MAST4: variants seen among roughly 807,000 people sequenced by gnomAD.
MAST4 encodes microtubule-associated serine/threonine-protein kinase 4.
In MAST4, 89 loss-of-function variants were observed where a neutral mutation model predicts 162.7. The observed-to-expected ratio is 0.55, with a 90% CI of 0.46 to 0.65. The LOEUF is 0.65. Among genes scored for constraint, MAST4 ranks in the 30% least tolerant of loss-of-function variants. MAST4 has a pLI of 0.00. For missense variants in MAST4, 3,153 were observed against 3,374.0 expected, an observed-to-expected ratio of 0.93 and a Z score of 1.62; for synonymous variants, 1,479 against 1,361.1, an observed-to-expected ratio of 1.09 and a Z score of -1.91.
intron 3 of MAST4, among the ~76,000 whole-genome samples, chr5:66,829,814 A>C (rs1757478291): frequency 1.3e-5 from 2 of 151,064 alleles, no homozygotes; most frequent in Admixed American, 6.6e-5. Context: ...TTTTGTTCTA[A>C]GTATCAATTA....
intron 7 of MAST4, among the ~76,000 whole-genome samples, chr5:67,096,727 G>A (rs1026766437): frequency 2.6e-5 from 4 of 152,088 alleles, no homozygotes; most frequent in Admixed American, 6.6e-5. Flanking sequence ...ATTGTTAAAA[G>A]CTGTTGGGTT....
rs201293928 is a variant in MAST4 at position 66,967,659 on chromosome 5, T to C, written c.674+67677T>C. ...AGACTACGTTATTCTCAAAAGCCCT[T>C]CCATCTTGAAAATCTCACACTCCTT... On this transcript the variant is annotated intron_variant, in intron 4 of 28. Coordinates refer to ENST00000403625, the MANE Select transcript of MAST4 (RefSeq NM_001164664.2). 3.7e-4 allele frequency among the ~76,000 whole-genome samples: 56 copies of C among 149,648 alleles called. No individual in the cohort carries two copies. The East Asian group carries it at 8.6e-3, about 23-fold the overall frequency.
chr5:66,688,266 T>C (rs1298594328), intron 1 of MAST4, among the ~76,000 whole-genome samples: 2 of 152,182 alleles, frequency 1.3e-5, no homozygotes, highest in African/African-American at 2.4e-5. Flanking sequence ...GGCACATCAG[T>C]AAGGATGCCT....
At chr5:66,938,157 C>A (rs1742964399) in intron 4 of MAST4, among the ~76,000 whole-genome samples, 1 of 152,070 alleles carries the variant, frequency 6.6e-6, no homozygotes. Context: ...TTAGAACTGT[C>A]ATATTGCCTA....
At chr5:67,083,698 T>A (rs1762923251) in intron 5 of MAST4, among the ~76,000 whole-genome samples, 2 of 152,318 alleles carry the variant, frequency 1.3e-5, no homozygotes, top group South Asian at 4.1e-4. Flanking sequence ...ATTAATTATG[T>A]AAGATTAATA....
rs570447946 is a variant in MAST4, at chr5:67,046,640, A to G, written c.675-7764A>G. Among the ~76,000 whole-genome samples, 10 of 152,296 alleles carry G rather than the reference A, an allele frequency of 6.6e-5. No individual in the cohort carries two copies. The Middle Eastern group carries it at 0.01, about 155-fold the overall frequency. On this transcript the variant is annotated intron_variant, in intron 4 of 28. Coordinates refer to ENST00000403625, the MANE Select transcript of MAST4 (RefSeq NM_001164664.2). ...TGTTCAGCTGTTTTTCTTTTCTTCT[A>G]TGAAGACAGAGAATTGGGCCAGATC... is the stretch of plus-strand genomic sequence containing the variant.
At chr5:66,967,489 C>A (rs1267868399) in intron 4 of MAST4, among the ~76,000 whole-genome samples, 1 of 151,964 alleles carries the variant, frequency 6.6e-6, no homozygotes, top group Non-Finnish European at 1.5e-5. Flanking sequence ...TGTGGTAAGA[C>A]AAATTTGGGC....
intron 1 of MAST4, among the ~76,000 whole-genome samples, chr5:66,623,510 A>G (rs2149410269): frequency 6.6e-6 from 1 of 152,370 alleles, no homozygotes; most frequent in Admixed American, 6.5e-5. Context: ...GATATGCCAC[A>G]TTCACAGCAT....
chr5:66,655,590 A>G (rs13165968), intron 1 of MAST4, among the ~76,000 whole-genome samples: 31,773 of 152,122 alleles, frequency 0.21, 3,664 homozygotes, highest in South Asian at 0.33. Context: ...CTGATTTGCC[A>G]GCAAATACGT....
At chr5:67,131,984 TG>T in intron 16 of MAST4, 33 bp downstream of exon 16, 1 of 1,597,396 alleles carries the variant, frequency 6.3e-7, no homozygotes, top group South Asian at 1.1e-5. Flanking sequence ...TGTCTTCTTT[TG>T]CCCAATACAA....
chr5:67,034,163 A>G (rs1421619020), intron 4 of MAST4, among the ~76,000 whole-genome samples: 1 of 152,156 alleles, frequency 6.6e-6, no homozygotes, highest in African/African-American at 2.4e-5. Context: ...AGCCACACCT[A>G]GAGAGTTCGT....
Position 66,759,790 on chromosome 5 carries a change from C to T in MAST4, c.445C>T (p.Leu149=). 3 of 1,613,934 alleles carry T rather than the reference C, an allele frequency of 1.9e-6. No individual in the cohort carries two copies. The East Asian group carries it at 6.7e-5, about 36-fold the overall frequency. The change falls in exon 2 of 29, where the codon CTG becomes TTG. Residue 149 remains leucine, a synonymous_variant. Coordinates refer to ENST00000403625, the MANE Select transcript of MAST4 (RefSeq NM_001164664.2). ...PDVASGPGKS[L]KYKRQLSEDG... is the part of the protein sequence containing the mutation. ...TGTGGCTTCTGGCCCTGGAAAATCA[C>T]TGAAGTATAAAAGACAGCTGAGTGA...
In MAST4 at chr5:66,754,858, A is replaced by G. The variant is rs76920520; in HGVS notation, c.364-4851A>G. On this transcript the variant is annotated intron_variant, in intron 1 of 28. Coordinates refer to ENST00000403625, the MANE Select transcript of MAST4 (RefSeq NM_001164664.2). The stretch of plus-strand genomic sequence containing the variant: ...GCATCCCAGGAAGAGTGACATTTGA[A>G]TAGAGACCCAGAGGACAGAGGGGGC... 4.4e-3 allele frequency among the ~76,000 whole-genome samples: 669 copies of G among 152,316 alleles called. 4 individuals carry two copies. Among genetic ancestry groups the G allele is most frequent in the African/African-American group, 0.015 (626 of 41,572 alleles).
chr5:66,944,415 G>A (rs973221576), intron 4 of MAST4, among the ~76,000 whole-genome samples: 1 of 152,004 alleles, frequency 6.6e-6, no homozygotes, highest in Non-Finnish European at 1.5e-5. Flanking sequence ...TATTAAATTG[G>A]TAGTAACTTG....
chr5:66,873,470 G>A (rs550957767), intron 3 of MAST4, among the ~76,000 whole-genome samples: 5 of 152,152 alleles, frequency 3.3e-5, no homozygotes, highest in African/African-American at 7.2e-5. Flanking sequence ...AACAAATTAC[G>A]GTAAACCAGC....
At position 67,165,800 on chromosome 5, in the gene MAST4, C is replaced by A. The variant is rs1160347987; in HGVS notation, c.6621C>A (p.His2207Gln). Residue 2207 changes from histidine (H) to glutamine (Q), a missense_variant, in exon 29 of 29, where the codon CAC becomes CAA. This residue lies in a region of MAST4 where 1,644 missense variants were observed against 1,495.0 expected (regional missense o/e 1.10). Coordinates refer to ENST00000403625, the MANE Select transcript of MAST4 (RefSeq NM_001164664.2). ...GPDPGPPKTK[H>Q]PDRSLSSQKP... Reference sequence around the variant, plus strand: ...ACCCGGGCCCTCCAAAGACTAAGCACCCCGACCGGTCCCTCTCCTCTCAGA... The same window carrying A: ...ACCCGGGCCCTCCAAAGACTAAGCAACCCGACCGGTCCCTCTCCTCTCAGA... 6.2e-7 allele frequency: 1 copy of A among 1,610,670 alleles called. No individual in the cohort carries two copies. Among genetic ancestry groups the A allele is most frequent in the Non-Finnish European group, 8.5e-7 (1 of 1,178,772 alleles).
At chr5:66,963,585 G>A (rs2150168121) in intron 4 of MAST4, 1 of 682,244 alleles carries the variant, frequency 1.5e-6, no homozygotes, top group South Asian at 1.7e-5. Flanking sequence ...TGATTACCTA[G>A]TGGTGTAGAT....
At chr5:66,884,372 G>C (rs1761903428) in intron 3 of MAST4, among the ~76,000 whole-genome samples, 1 of 152,126 alleles carries the variant, frequency 6.6e-6, no homozygotes. Context: ...GTCAAATAAA[G>C]CCATTCACAA....
chr5:67,143,241 T>C (rs1048270691), intron 21 of MAST4, among the ~76,000 whole-genome samples: 1 of 143,378 alleles, frequency 7.0e-6, no homozygotes, highest in Non-Finnish European at 1.5e-5. Context: ...GGCAATATAG[T>C]GAGACCCCGT....
Sources: gnomAD v4.1 joint callset for allele counts (sites outside exome capture counted in the v4.1 genomes callset) on GRCh38, gnomAD v4.1.1 for gene constraint, gnomAD v4.1.1 regional missense constraint, MANE v1.5 for transcripts, NCBI Gene and HGNC (gene_info 2026-07-23, HGNC 2026-07-21) for gene names.